The following ARHGEF33 variants were observed in gnomAD, a reference collection of about 807,000 sequenced individuals.
ARHGEF33 encodes the protein Rho guanine nucleotide exchange factor 33.
In ARHGEF33, 72 loss-of-function variants were observed where a neutral mutation model predicts 101.9. The observed-to-expected ratio is 0.71, with a 90% confidence interval of 0.58 to 0.86. The LOEUF (loss-of-function observed/expected upper bound fraction) is 0.86, where lower values mean the gene tolerates loss of function less well. Among genes scored for constraint, ARHGEF33 ranks in the 40% least tolerant of loss-of-function variants. ARHGEF33 has a pLI of 0.00. For synonymous variants in ARHGEF33, 499 were observed against 442.5 expected, an observed-to-expected ratio of 1.13 and a Z score of -1.60; for missense variants, 1,169 against 1,111.3, an observed-to-expected ratio of 1.05 and a Z score of -0.74.
intron 9 of ARHGEF33, among the ~76,000 whole-genome samples, chr2:38,938,981 A>T (rs1391721014): frequency 6.6e-6 from 1 of 151,322 alleles, no homozygotes; most frequent in Non-Finnish European, 1.5e-5. Context: ...ATTGATGGAC[A>T]TTTTTTTTTG....
At chr2:38,890,968 G>GTTTTTTTT (rs11380408) in intron 1 of ARHGEF33, among the ~76,000 whole-genome samples, 5 of 145,004 alleles carry the variant, frequency 3.4e-5, no homozygotes, top group East Asian at 2.0e-4. Flanking sequence ...CATACTATTG[G>GTTTTTTTT]TTTTTTTTTT....
chr2:38,953,980 T>C (rs1177399170), intron 12 of ARHGEF33, among the ~76,000 whole-genome samples: 1 of 152,224 alleles, frequency 6.6e-6, no homozygotes, highest in Non-Finnish European at 1.5e-5. Flanking sequence ...CCTTTTCCAT[T>C]GTCCTGAAGC....
At chr2:38,894,293 C>T (rs1030215248) in intron 1 of ARHGEF33, among the ~76,000 whole-genome samples, 5 of 151,864 alleles carry the variant, frequency 3.3e-5, no homozygotes, top group Non-Finnish European at 7.4e-5. Flanking sequence ...AATCACACCA[C>T]TGCACTCCAG....
intron 4 of ARHGEF33, among the ~76,000 whole-genome samples, chr2:38,924,904 A>C (rs1666838916): frequency 6.6e-6 from 1 of 152,216 alleles, no homozygotes. Flanking sequence ...ATAGTATGAC[A>C]GCATTAGTTA....
intron 2 of ARHGEF33, among the ~76,000 whole-genome samples, chr2:38,915,382 C>CTTTTT (rs35975491): frequency 1.8e-5 from 2 of 112,416 alleles, no homozygotes; most frequent in African/African-American, 6.5e-5. Flanking sequence ...TTTTTATTGA[C>CTTTTT]TTTTTTTTTT....
intron 4 of ARHGEF33, among the ~76,000 whole-genome samples, chr2:38,924,495 G>A (rs12619824): frequency 2.6e-5 from 4 of 152,254 alleles, no homozygotes; most frequent in East Asian, 3.9e-4. Context: ...AACAGATGTG[G>A]TAACTGCACA....
intron 10 of ARHGEF33, among the ~76,000 whole-genome samples, chr2:38,948,945 A>G (rs998124841): frequency 6.6e-5 from 10 of 152,242 alleles, no homozygotes; most frequent in African/African-American, 2.2e-4. Flanking sequence ...CCACTGTTCC[A>G]TTGTAAGCGC....
intron 1 of ARHGEF33, among the ~76,000 whole-genome samples, chr2:38,894,864 G>C (rs1453901884): frequency 6.6e-6 from 1 of 152,064 alleles, no homozygotes; most frequent in African/African-American, 2.4e-5. Flanking sequence ...AACTAGCAGT[G>C]TCTGTCAGAG....
At chr2:38,890,250 C>T (rs1665966420) in intron 1 of ARHGEF33, among the ~76,000 whole-genome samples, 1 of 152,104 alleles carries the variant, frequency 6.6e-6, no homozygotes. Flanking sequence ...TGAAGTTGTT[C>T]TGCATATTAA....
In ARHGEF33 at chr2:38,960,666, C is replaced by T. The variant is rs748806742; in HGVS notation, c.2343+18C>T. On this transcript the variant is annotated intron_variant, in intron 16 of 17. Coordinates refer to ENST00000409978, the MANE Select transcript of ARHGEF33 (RefSeq NM_001145451.5). Reference sequence around the variant, plus strand: ...TAAGGAGGGTAAAGTAAAACCGAACCGAAACCCACAGCGTCGACGGCCCCA... The same window carrying T: ...TAAGGAGGGTAAAGTAAAACCGAACTGAAACCCACAGCGTCGACGGCCCCA... The T allele has an allele frequency of 5.8e-6, 8 of 1,388,592 alleles. No individual in the cohort carries two copies. Among genetic ancestry groups the T allele is most frequent in the African/African-American group, 3.1e-5 (2 of 64,680 alleles). The allele number at this position is 1,388,592 out of a possible 1,614,324, so 86.0% of individuals were successfully genotyped here. A position where few individuals can be genotyped will look rare whatever the true frequency, so the allele number is the denominator to read the frequency against.
intron 9 of ARHGEF33, among the ~76,000 whole-genome samples, chr2:38,938,017 G>A (rs1378475592): frequency 6.6e-6 from 1 of 151,942 alleles, no homozygotes; most frequent in Non-Finnish European, 1.5e-5. Context: ...ATTTCCCCCT[G>A]GCTATTTGGG....
intron 2 of ARHGEF33, among the ~76,000 whole-genome samples, chr2:38,911,303 G>T (rs1054166218): frequency 1.3e-5 from 2 of 152,038 alleles, no homozygotes; most frequent in Admixed American, 6.6e-5. Flanking sequence ...CCTCCCCCCA[G>T]CATAAAAAGT....
chr2:38,894,017 C>T (rs1428051026), intron 1 of ARHGEF33, among the ~76,000 whole-genome samples: 2 of 152,096 alleles, frequency 1.3e-5, no homozygotes, highest in Admixed American at 6.6e-5. Flanking sequence ...TATAAGAAAA[C>T]TTTCCAGAAT....
intron 1 of ARHGEF33, among the ~76,000 whole-genome samples, chr2:38,895,030 C>G (rs779223110): frequency 3.3e-5 from 5 of 152,100 alleles, no homozygotes; most frequent in Non-Finnish European, 7.4e-5. Context: ...GAATAAAGGC[C>G]TCTTGATAAA....
At chr2:38,894,384 C>T (rs991937408) in intron 1 of ARHGEF33, among the ~76,000 whole-genome samples, 2 of 147,972 alleles carry the variant, frequency 1.4e-5, no homozygotes, top group Non-Finnish European at 3.0e-5. Flanking sequence ...AGAACGCCAG[C>T]ATATCAGTAA....
At chr2:38,935,919 T>C in intron 8 of ARHGEF33, 85 bp downstream of exon 8, 1 of 1,137,170 alleles carries the variant, frequency 8.8e-7, no homozygotes. Flanking sequence ...ACTTCCTTAG[T>C]TTCAAACCAG....
intron 16 of ARHGEF33, among the ~76,000 whole-genome samples, chr2:38,961,133 C>T (rs916494952): frequency 6.6e-6 from 1 of 152,234 alleles, no homozygotes; most frequent in South Asian, 2.1e-4. Flanking sequence ...TACTCCACTT[C>T]TTCCCGGCAG....
intron 4 of ARHGEF33, among the ~76,000 whole-genome samples, chr2:38,925,389 G>A (rs73930378): frequency 6.6e-6 from 1 of 152,044 alleles, no homozygotes; most frequent in Admixed American, 6.6e-5. Context: ...TCCTGATTGA[G>A]ACTAAGTCTC....
At chr2:38,903,250 A>C (rs1223052650) in intron 2 of ARHGEF33, among the ~76,000 whole-genome samples, 1 of 152,176 alleles carries the variant, frequency 6.6e-6, no homozygotes, top group African/African-American at 2.4e-5. Flanking sequence ...AAAAAAAACT[A>C]TGATAACTGA....
Sources: allele counts gnomAD v4.1 joint callset (sites outside exome capture counted in the v4.1 genomes callset), GRCh38; gene constraint gnomAD v4.1.1; transcripts MANE v1.5; gene names NCBI Gene and HGNC (gene_info 2026-07-23, HGNC 2026-07-21).